ARK2N: variants seen among roughly 807,000 people sequenced by gnomAD.
The protein encoded by ARK2N is protein ARK2N.
At chr18:46,237,099 G>A in the ARK2N span, among the ~76,000 whole-genome samples, 139 of 152,206 alleles carry the variant, frequency 9.1e-4, 1 homozygote, top group African/African-American at 3.1e-3. Flanking sequence ...CTGACCTCAA[G>A]TGATTCACCT....
At chr18:46,190,743 C>A in the ARK2N span, among the ~76,000 whole-genome samples, 13 of 152,184 alleles carry the variant, frequency 8.5e-5, no homozygotes, top group East Asian at 2.3e-3. Flanking sequence ...TGTAGTGTAG[C>A]GTGGAGGCAC....
At chr18:46,196,695 A>T in the ARK2N span, among the ~76,000 whole-genome samples, 2 of 152,212 alleles carry the variant, frequency 1.3e-5, no homozygotes, top group Non-Finnish European at 2.9e-5. Flanking sequence ...TCAGCATCTG[A>T]GAGTCAGATA....
the ARK2N span, among the ~76,000 whole-genome samples, chr18:46,242,042 C>T: frequency 6.6e-6 from 1 of 152,142 alleles, no homozygotes; most frequent in African/African-American, 2.4e-5. Flanking sequence ...CTCCTGACCT[C>T]AGATGATCCG....
chr18:46,177,288 G>C, the ARK2N span, among the ~76,000 whole-genome samples: 5 of 152,038 alleles, frequency 3.3e-5, no homozygotes, highest in East Asian at 9.6e-4. Context: ...GGGCACAGTG[G>C]CTCACACCTC....
chr18:46,195,718 A>C, the ARK2N span, among the ~76,000 whole-genome samples: 1 of 151,334 alleles, frequency 6.6e-6, no homozygotes, highest in Non-Finnish European at 1.5e-5. Flanking sequence ...TGGGATTACA[A>C]GTGTGTGCCA....
chr18:46,247,936 G>A, the ARK2N span, among the ~76,000 whole-genome samples: 4 of 152,228 alleles, frequency 2.6e-5, no homozygotes, highest in Admixed American at 2.0e-4. Context: ...GCCTCCCTAA[G>A]TGCTGGGATT....
chr18:46,200,410 C>T, the ARK2N span, among the ~76,000 whole-genome samples: 63 of 152,142 alleles, frequency 4.1e-4, no homozygotes, highest in African/African-American at 1.3e-3. Context: ...CGGGTTCAAG[C>T]GATTCTCCTG....
chr18:46,231,441 A>C, the ARK2N span, among the ~76,000 whole-genome samples: 751 of 152,288 alleles, frequency 4.9e-3, 7 homozygotes, highest in Non-Finnish European at 4.8e-3. Flanking sequence ...CAGATTATTA[A>C]TATAATACCT....
At chr18:46,206,197 C>T in the ARK2N span, among the ~76,000 whole-genome samples, 1 of 151,994 alleles carries the variant, frequency 6.6e-6, no homozygotes, top group East Asian at 1.9e-4. Flanking sequence ...GTGATCTTCC[C>T]ATCTCAGTTC....
the ARK2N span, among the ~76,000 whole-genome samples, chr18:46,204,928 TC>T: frequency 9.6e-4 from 71 of 73,834 alleles, no homozygotes; most frequent in African/African-American, 2.6e-3. Context: ...TTTTCTTTTT[TC>T]TTTTTTTTTT....
the ARK2N span, among the ~76,000 whole-genome samples, chr18:46,181,705 A>G: frequency 1.5e-4 from 23 of 151,738 alleles, no homozygotes; most frequent in Non-Finnish European, 1.8e-4. Context: ...ACAGAGCGAG[A>G]CTCCGTCTCA....
chr18:46,251,118 ATAAAG>A, the ARK2N span, among the ~76,000 whole-genome samples: 5 of 152,244 alleles, frequency 3.3e-5, no homozygotes, highest in African/African-American at 7.2e-5. Flanking sequence ...GTACAAACAA[ATAAAG>A]TAAACAGTAA....
chr18:46,251,654 T>A, the ARK2N span, among the ~76,000 whole-genome samples: 5 of 152,242 alleles, frequency 3.3e-5, no homozygotes, highest in Non-Finnish European at 7.3e-5. Flanking sequence ...ACAGCTTTAC[T>A]CAGAATCTAC....
chr18:46,197,157 G>A, the ARK2N span, among the ~76,000 whole-genome samples: 9 of 152,128 alleles, frequency 5.9e-5, no homozygotes, highest in African/African-American at 1.9e-4. Flanking sequence ...GATAAAAAAA[G>A]ATTTTAGCTT....
At chr18:46,219,556 G>A in the ARK2N span, among the ~76,000 whole-genome samples, 13 of 150,342 alleles carry the variant, frequency 8.6e-5, no homozygotes, top group South Asian at 2.1e-4. Context: ...TGCAACCTCC[G>A]CCTCCCAGGT....
chr18:46,248,645 G>A, the ARK2N span, among the ~76,000 whole-genome samples: 1 of 151,936 alleles, frequency 6.6e-6, no homozygotes. Context: ...GCAGTGGCAC[G>A]ATCTTGGCTC....
At chr18:46,237,128 G>A in the ARK2N span, among the ~76,000 whole-genome samples, 2 of 151,988 alleles carry the variant, frequency 1.3e-5, no homozygotes, top group Non-Finnish European at 1.5e-5. Flanking sequence ...CTCCCAAAGT[G>A]CTGGGGTTAT....
the ARK2N span, among the ~76,000 whole-genome samples, chr18:46,229,653 ATTGCCCAGGCTGG>A: frequency 2.1e-5 from 3 of 143,918 alleles, no homozygotes; most frequent in African/African-American, 7.8e-5. Flanking sequence ...GTCTCGCTCT[ATTGCCCAGGCTGG>A]AGTGCAGTGG....
chr18:46,200,363 A>G, the ARK2N span, among the ~76,000 whole-genome samples: 4 of 152,112 alleles, frequency 2.6e-5, no homozygotes. Flanking sequence ...GCTGGAGCGC[A>G]GTGGCGCAAT....
Sources: gnomAD v4.1 joint callset for allele counts (sites outside exome capture counted in the v4.1 genomes callset) on GRCh38, gnomAD v4.1.1 for gene constraint, MANE v1.5 for transcripts, NCBI Gene and HGNC (gene_info 2026-07-23, HGNC 2026-07-21) for gene names.